The following HNRNPC variants were observed in gnomAD, a reference collection of about 807,000 sequenced individuals.
The protein encoded by HNRNPC is heterogeneous nuclear ribonucleoprotein C.
Under a neutral mutation model 33.2 loss-of-function variants are expected in HNRNPC, and 3 were observed. That is an observed-to-expected ratio of 0.09 (90% CI 0.04 to 0.23). The LOEUF (loss-of-function observed/expected upper bound fraction) is 0.23. Among genes scored for constraint, HNRNPC ranks in the 10% least tolerant of loss-of-function variants. HNRNPC has a pLI of 1.00. For missense variants in HNRNPC, 143 were observed against 366.7 expected (o/e 0.39, Z 4.98); for synonymous variants, 121 against 126.7 (o/e 0.96, Z 0.30).
At chr14:21,265,660 A>G (rs897605335) in intron 1 of HNRNPC, 21 of 152,186 alleles carry the variant, frequency 1.4e-4, no homozygotes, top group African/African-American at 4.8e-4. Context: ...AATACAAAAA[A>G]TTAGCAGCAC....
At chr14:21,252,077 T>G (rs1896739016) in intron 2 of HNRNPC, among the ~76,000 whole-genome samples, 1 of 152,180 alleles carries the variant, frequency 6.6e-6, no homozygotes, top group South Asian at 2.1e-4. Flanking sequence ...AGTAAAAGGT[T>G]TGATTTTTAT....
At chr14:21,257,344 A>T (rs1877397954) in intron 2 of HNRNPC, among the ~76,000 whole-genome samples, 1 of 152,056 alleles carries the variant, frequency 6.6e-6, no homozygotes. Context: ...GAAGTTTAAC[A>T]TGTAACAGAA....
chr14:21,259,341 T>A (rs1201918097), intron 2 of HNRNPC, among the ~76,000 whole-genome samples: 1 of 152,176 alleles, frequency 6.6e-6, no homozygotes, highest in African/African-American at 2.4e-5. Flanking sequence ...CGATCCTTAC[T>A]GTGAAAAGTG....
intron 6 of HNRNPC, 46 bp downstream of exon 6, chr14:21,212,914 T>G: frequency 6.2e-7 from 1 of 1,608,320 alleles, no homozygotes; most frequent in African/African-American, 1.3e-5. Context: ...CTTCCCTATC[T>G]CAAAACACAA....
intron 5 of HNRNPC, among the ~76,000 whole-genome samples, chr14:21,218,013 A>T (rs1301880941): frequency 6.6e-6 from 1 of 152,028 alleles, no homozygotes; most frequent in Non-Finnish European, 1.5e-5. Context: ...CTGAAACTTG[A>T]CTGGATTCAA....
At chr14:21,234,823 T>TGGAAATA (rs1344147599) in intron 2 of HNRNPC, 1 of 152,334 alleles carries the variant, frequency 6.6e-6, no homozygotes, top group Non-Finnish European at 1.5e-5. Context: ...TCATTTACAC[T>TGGAAATA]GGAAACACCT....
intron 2 of HNRNPC, 46 bp from the exon 3 acceptor site, chr14:21,234,275 A>G (rs1250120304): frequency 2.0e-6 from 3 of 1,506,708 alleles, no homozygotes; most frequent in Non-Finnish European, 2.7e-6. Flanking sequence ...GCTAAAAACA[A>G]TATTCCTTGA....
At chr14:21,255,068 A>AT (rs1270831320) in intron 2 of HNRNPC, among the ~76,000 whole-genome samples, 2 of 152,220 alleles carry the variant, frequency 1.3e-5, no homozygotes, top group African/African-American at 2.4e-5. Context: ...TTATGTGAAG[A>AT]TTTTATTTAA....
intron 5 of HNRNPC, among the ~76,000 whole-genome samples, chr14:21,224,951 G>A (rs917756110): frequency 6.6e-6 from 1 of 152,106 alleles, no homozygotes; most frequent in African/African-American, 2.4e-5. Flanking sequence ...TACTAGTCAT[G>A]CACCACATAC....
chr14:21,235,224 T>C (rs1318074871), intron 2 of HNRNPC, among the ~76,000 whole-genome samples: 3 of 152,182 alleles, frequency 2.0e-5, no homozygotes, highest in African/African-American at 7.2e-5. Flanking sequence ...ACCCCCAATC[T>C]TGAACAAGAT....
At chr14:21,227,034 A>C (rs1383892350) in intron 5 of HNRNPC, among the ~76,000 whole-genome samples, 1 of 152,110 alleles carries the variant, frequency 6.6e-6, no homozygotes, top group East Asian at 1.9e-4. Context: ...TTAAAATAAA[A>C]ATCTAAACCT....
intron 1 of HNRNPC, chr14:21,268,603 G>A (rs146486986): frequency 1.3e-5 from 2 of 152,152 alleles, no homozygotes; most frequent in East Asian, 3.9e-4. Flanking sequence ...TTCCGTCTGA[G>A]AAAGAGAGTT....
chr14:21,258,377 G>A (rs764057671), intron 2 of HNRNPC, among the ~76,000 whole-genome samples: 14 of 149,548 alleles, frequency 9.4e-5, no homozygotes, highest in South Asian at 2.1e-4. Context: ...GTGACAGAGC[G>A]AGACTATGTC....
chr14:21,254,072 A>G (rs1236456026), intron 2 of HNRNPC, among the ~76,000 whole-genome samples: 2 of 149,094 alleles, frequency 1.3e-5, no homozygotes, highest in Non-Finnish European at 3.0e-5. Flanking sequence ...AAAAAAAAAA[A>G]AAAAAAAGTG....
In HNRNPC at chr14:21,209,369, A is replaced by C. The variant is rs1222140993; in HGVS notation, c.*1854T>G. ...CTAATTTGTTCAGTATTTCCCAAAA[A>C]CTTACAGCTAACAATAATATTAAAC... On this transcript the variant is annotated 3_prime_UTR_variant, in exon 9 of 9. Coordinates refer to ENST00000553300, the MANE Select transcript of HNRNPC (RefSeq NM_004500.4). 6.6e-6 allele frequency: 1 copy of C among 152,158 alleles called. No homozygotes were observed. The highest frequency in any genetic ancestry group is 1.5e-5 in the Non-Finnish European group (1 of 68,028). 9.4% of individuals were successfully genotyped at this position (152,158 alleles called of 1,614,324 possible).
intron 7 of HNRNPC, 55 bp downstream of exon 7, chr14:21,211,755 T>A (rs1022353794): frequency 4.3e-5 from 64 of 1,500,730 alleles, no homozygotes; most frequent in Non-Finnish European, 5.3e-5. Context: ...TACTTTCAAG[T>A]GCCTTATGTA....
intron 1 of HNRNPC, among the ~76,000 whole-genome samples, chr14:21,266,593 C>T (rs1200888610): frequency 1.3e-5 from 2 of 150,154 alleles, no homozygotes; most frequent in Non-Finnish European, 2.9e-5. Context: ...TCGAGAATAC[C>T]TGTAGTTATG....
chr14:21,251,843 A>G (rs967504107), intron 2 of HNRNPC, among the ~76,000 whole-genome samples: 2 of 152,188 alleles, frequency 1.3e-5, no homozygotes, highest in Admixed American at 6.5e-5. Context: ...AAATAATCTC[A>G]CATCAGTTAA....
chr14:21,249,850 T>C (rs147316066), intron 2 of HNRNPC, among the ~76,000 whole-genome samples: 1 of 152,204 alleles, frequency 6.6e-6, no homozygotes, highest in Non-Finnish European at 1.5e-5. Context: ...GGTTCCAGAA[T>C]CTGTAAGTAT....
Sources: gnomAD v4.1 joint callset for allele counts (sites outside exome capture counted in the v4.1 genomes callset) on GRCh38, gnomAD v4.1.1 for gene constraint, MANE v1.5 for transcripts, NCBI Gene and HGNC (gene_info 2026-07-23, HGNC 2026-07-21) for gene names.